SULF1: variants seen among roughly 807,000 people sequenced by gnomAD.
The protein encoded by SULF1 is sulfatase 1.
In SULF1, 46 loss-of-function variants were observed where a neutral mutation model predicts 110.5. The observed-to-expected ratio is 0.42, with a 90% CI of 0.33 to 0.53. The LOEUF is 0.53. Among genes scored for constraint, SULF1 ranks in the 20% least tolerant of loss-of-function variants. The pLI is 0.12. For synonymous variants in SULF1, 371 were observed against 387.1 expected (o/e 0.96, Z 0.49); for missense variants, 941 against 1,094.2 (o/e 0.86, Z 1.98).
chr8:69,528,861 A>G (rs1049916825), intron 3 of SULF1, among the ~76,000 whole-genome samples: 1 of 152,152 alleles, frequency 6.6e-6, no homozygotes, highest in African/African-American at 2.4e-5. Flanking sequence ...TTTCAAATTT[A>G]ATTTGGAAAA....
intron 1 of SULF1, among the ~76,000 whole-genome samples, chr8:69,471,005 C>T (rs1387721165): frequency 1.3e-5 from 2 of 152,120 alleles, no homozygotes; most frequent in African/African-American, 4.8e-5. Context: ...GTGTAAAATG[C>T]CCCACTCAGT....
chr8:69,486,954 T>G (rs1809739817), intron 1 of SULF1, among the ~76,000 whole-genome samples: 1 of 152,234 alleles, frequency 6.6e-6, no homozygotes, highest in Non-Finnish European at 1.5e-5. Flanking sequence ...CGTCCTTGAT[T>G]TTTAAATCAC....
At chr8:69,601,123 GC>G (rs1807771124) in intron 9 of SULF1, among the ~76,000 whole-genome samples, 1 of 152,292 alleles carries the variant, frequency 6.6e-6, no homozygotes, top group Admixed American at 6.5e-5. Context: ...GCTAAATTTT[GC>G]CATGTAGAAA....
chr8:69,513,913 T>C, intron 3 of SULF1, among the ~76,000 whole-genome samples: 1 of 152,222 alleles, frequency 6.6e-6, no homozygotes, highest in Non-Finnish European at 1.5e-5. Flanking sequence ...AATGTATTTT[T>C]GTTGTTGTCT....
At chr8:69,495,197 G>A (rs1810256040) in intron 1 of SULF1, among the ~76,000 whole-genome samples, 1 of 151,934 alleles carries the variant, frequency 6.6e-6, no homozygotes, top group Admixed American at 6.5e-5. Flanking sequence ...GCAACGCTGA[G>A]TAAAAATAAA....
At chr8:69,539,739 A>C (rs1324164249) in intron 3 of SULF1, among the ~76,000 whole-genome samples, 1 of 152,176 alleles carries the variant, frequency 6.6e-6, no homozygotes, top group Non-Finnish European at 1.5e-5. Context: ...AAGTGTGTTC[A>C]TGGCAGTGGG....
chr8:69,646,293 T>G (rs1048949253), intron 22 of SULF1, among the ~76,000 whole-genome samples: 1 of 152,178 alleles, frequency 6.6e-6, no homozygotes, highest in East Asian at 1.9e-4. Context: ...GCTCCATCAC[T>G]TCCCAATTTG....
chr8:69,511,605 G>A (rs985804056), intron 3 of SULF1, among the ~76,000 whole-genome samples: 4 of 152,136 alleles, frequency 2.6e-5, no homozygotes, highest in African/African-American at 9.7e-5. Flanking sequence ...AAGAAAGTAC[G>A]GAGATTTCCC....
At chr8:69,653,856 G>A (rs977027971) in intron 22 of SULF1, among the ~76,000 whole-genome samples, 1 of 152,184 alleles carries the variant, frequency 6.6e-6, no homozygotes, top group African/African-American at 2.4e-5. Flanking sequence ...ACTGGGGGTA[G>A]ACCAAATACA....
intron 1 of SULF1, among the ~76,000 whole-genome samples, chr8:69,476,642 T>A (rs1236227600): frequency 6.6e-6 from 1 of 152,248 alleles, no homozygotes; most frequent in African/African-American, 2.4e-5. Flanking sequence ...GACTTTGGCC[T>A]GTTCTATGTT....
rs559400460 is a variant in SULF1 at position 69,545,918 on chromosome 8, C to T, written c.-133-17621C>T. 2.7e-3 allele frequency among the ~76,000 whole-genome samples: 417 copies of T among 152,324 alleles called. 2 individuals are homozygous for T. Among genetic ancestry groups the T allele is most frequent in the African/African-American group, 9.2e-3 (382 of 41,566 alleles). On this transcript the variant is annotated intron_variant, in intron 3 of 22. Transcript: ENST00000402687. Reference sequence around the variant, plus strand: ...TCATGTTGGCCAGGCTGGTCTCCAACTCCTGACCTCAGGTGATCCGCCCAC... The same window carrying T: ...TCATGTTGGCCAGGCTGGTCTCCAATTCCTGACCTCAGGTGATCCGCCCAC...
At chr8:69,582,345 T>C (rs1806129012) in intron 6 of SULF1, among the ~76,000 whole-genome samples, 1 of 152,194 alleles carries the variant, frequency 6.6e-6, no homozygotes, top group African/African-American at 2.4e-5. Context: ...TTCCTTACAC[T>C]GCAGGATGGA....
At chr8:69,605,895 G>A (rs960237012) in intron 13 of SULF1, among the ~76,000 whole-genome samples, 4 of 152,204 alleles carry the variant, frequency 2.6e-5, no homozygotes, top group African/African-American at 9.7e-5. Flanking sequence ...GGGCAGCTGG[G>A]ATTCAAACAG....
chr8:69,586,490 T>C lies in SULF1; in HGVS notation c.546T>C (p.His182=), dbSNP rs1563557028. The C allele has an allele frequency of 1.2e-6, 2 of 1,610,416 alleles. No homozygotes were observed. Among genetic ancestry groups the C allele is most frequent in the Admixed American group, 1.7e-5 (1 of 59,286 alleles). Residue 182 remains histidine (H), a synonymous_variant, in exon 7 of 23, where the codon CAT becomes CAC. Coordinates refer to ENST00000402687, the MANE Select transcript of SULF1 (RefSeq NM_001128205.2). ...GTCGCAATGGCATCAAAGAAAAGCA[T>C]GGATTTGATTATGCAAAGGTAATTT... is the stretch of plus-strand genomic sequence containing the variant. The part of the protein sequence containing the change: ...TVCRNGIKEK[H]GFDYAKDYFT...
chr8:69,494,821 A>C (rs925490632), intron 1 of SULF1, among the ~76,000 whole-genome samples: 1 of 150,924 alleles, frequency 6.6e-6, no homozygotes, highest in Non-Finnish European at 1.5e-5. Flanking sequence ...TGGAGACTAG[A>C]GTGAGTTGCG....
chr8:69,652,261 A>G (rs1812398979), intron 22 of SULF1, among the ~76,000 whole-genome samples: 1 of 152,118 alleles, frequency 6.6e-6, no homozygotes, highest in Non-Finnish European at 1.5e-5. Flanking sequence ...ACTTAGTCAC[A>G]TTTGCAGAGT....
intron 1 of SULF1, among the ~76,000 whole-genome samples, chr8:69,484,691 A>G (rs544051487): frequency 6.6e-6 from 1 of 152,314 alleles, no homozygotes; most frequent in Non-Finnish European, 1.5e-5. Context: ...CAGGCTCACT[A>G]ATGTCTGCAT....
chr8:69,568,841 G>A (rs1271562147), intron 5 of SULF1, among the ~76,000 whole-genome samples: 2 of 152,176 alleles, frequency 1.3e-5, no homozygotes, highest in Non-Finnish European at 2.9e-5. Context: ...GAGAGCATCA[G>A]TACATTCACA....
At chr8:69,520,659 T>C (rs545865408) in intron 3 of SULF1, among the ~76,000 whole-genome samples, 2 of 152,270 alleles carry the variant, frequency 1.3e-5, no homozygotes, top group South Asian at 4.1e-4. Flanking sequence ...TTCCAACATT[T>C]CCCCCTTTGG....
Sources: allele counts gnomAD v4.1 joint callset (sites outside exome capture counted in the v4.1 genomes callset), GRCh38; gene constraint gnomAD v4.1.1; transcripts MANE v1.5; gene names NCBI Gene and HGNC (gene_info 2026-07-23, HGNC 2026-07-21).